The following KCNQ1 variants were observed in gnomAD, a reference collection of about 807,000 sequenced individuals.
KCNQ1 encodes potassium voltage-gated channel subfamily Q member 1, also known as potassium voltage-gated channel subfamily KQT member 1.
KCNQ1 carries 49 observed loss-of-function variants against 72.4 expected under a neutral mutation model. The observed-to-expected ratio is 0.68, with a 90% CI of 0.54 to 0.86. The LOEUF (loss-of-function observed/expected upper bound fraction) is 0.86. Ranked by LOEUF, KCNQ1 falls within the 40% of genes least tolerant of loss-of-function variation. KCNQ1 has a pLI of 0.00. For synonymous variants in KCNQ1, 450 were observed against 412.6 expected (o/e 1.09, Z -1.10); for missense variants, 790 against 945.1 (o/e 0.84, Z 2.15).
rs978639203 is a variant in KCNQ1 at position 2,642,459 on chromosome 11, C to T, written c.1394-19502C>T. ...GATTTTTAAATCCTGTAACTGTAAT[C>T]AATTTATTGATCAGACTGAAGAGTT... On this transcript the variant is annotated intron_variant, in intron 10 of 15. Coordinates refer to ENST00000155840, the MANE Select transcript of KCNQ1 (RefSeq NM_000218.3). The surrounding 1 kb of genome is among the most constrained non-coding windows in gnomAD (Gnocchi z 4.3). 1 of 397,906 alleles carries T rather than the reference C, an allele frequency of 2.5e-6. No individual in the cohort carries two copies. The highest frequency in any genetic ancestry group is 2.1e-5 in the African/African-American group (1 of 48,682). 24.6% of individuals were successfully genotyped at this position (397,906 alleles called of 1,614,324 possible).
intron 6 of KCNQ1, among the ~76,000 whole-genome samples, chr11:2,574,756 G>T (rs1848395004): frequency 1.3e-5 from 2 of 152,232 alleles, no homozygotes; most frequent in African/African-American, 4.8e-5. Flanking sequence ...TTTTCTGGAA[G>T]CTTCCAAAGT....
chr11:2,749,184 C>T (rs553956075), intron 11 of KCNQ1, among the ~76,000 whole-genome samples: 193 of 152,322 alleles, frequency 1.3e-3, no homozygotes, highest in African/African-American at 4.4e-3. Flanking sequence ...GGGGCTGTTC[C>T]GCCAGCACCC....
Position 2,698,629 on chromosome 11 carries a change from A to T in KCNQ1, c.1514+36548A>T. On this transcript the variant is annotated intron_variant, in intron 11 of 15. Transcript: ENST00000155840. This position sits in a 1 kb window ranked among gnomAD's most constrained non-coding sequence, Gnocchi z 5.1. ...AATTCCTGACTCCCATACCCCACTG[A>T]GACCTCTAACCCCAATCCCAATCTC... 1 of 398,450 alleles carries T rather than the reference A, an allele frequency of 2.5e-6. No homozygotes were observed. The highest frequency in any genetic ancestry group is 4.4e-6 in the Non-Finnish European group (1 of 226,024). The allele number at this position is 398,450 out of a possible 1,614,324, so 24.7% of individuals were successfully genotyped here.
At chr11:2,775,149 C>T (rs1846668764) in intron 12 of KCNQ1, among the ~76,000 whole-genome samples, 1 of 152,240 alleles carries the variant, frequency 6.6e-6, no homozygotes. Context: ...CCTAGGCCAT[C>T]AAACCCCTGC....
intron 11 of KCNQ1, chr11:2,665,324 T>A: frequency 2.5e-6 from 1 of 398,022 alleles, no homozygotes. Context: ...AGGTGGGAAG[T>A]AGAGACTGTA....
At chr11:2,775,740 C>T (rs992009812) in intron 12 of KCNQ1, among the ~76,000 whole-genome samples, 2 of 152,186 alleles carry the variant, frequency 1.3e-5, no homozygotes, top group South Asian at 2.1e-4. Flanking sequence ...CCAGAGAGGC[C>T]GAGCTGATGG....
intron 11 of KCNQ1, among the ~76,000 whole-genome samples, chr11:2,753,827 C>T (rs548536339): frequency 3.3e-5 from 5 of 152,260 alleles, no homozygotes; most frequent in East Asian, 1.9e-4. Context: ...TCCCAGCTTC[C>T]CTCTATCTGA....
intron 10 of KCNQ1, among the ~76,000 whole-genome samples, chr11:2,596,083 A>T (rs1361150038): frequency 6.6e-6 from 1 of 152,218 alleles, no homozygotes; most frequent in Non-Finnish European, 1.5e-5. Flanking sequence ...GATGTGGCTG[A>T]AATATCATTA....
rs1848244075 is a variant in KCNQ1 at position 2,566,146 on chromosome 11, T to C, written c.478-4482T>C. Among the ~76,000 whole-genome samples, 1 of 152,100 alleles carries C rather than the reference T, an allele frequency of 6.6e-6. No homozygotes were observed. Among genetic ancestry groups the C allele is most frequent in the Non-Finnish European group, 1.5e-5 (1 of 68,000 alleles). ...GCTCTGGAGTCTCTCTTGGTTACCC[T>C]CTCTCTCCCAGGGCCACTTTTGCAG... On this transcript the variant is annotated intron_variant, in intron 2 of 15. Coordinates refer to ENST00000155840, the MANE Select transcript of KCNQ1 (RefSeq NM_000218.3). This position sits in a 1 kb window ranked among gnomAD's most constrained non-coding sequence, Gnocchi z 6.7.
In KCNQ1 at chr11:2,698,622, C is replaced by A. The variant is rs570703231; in HGVS notation, c.1514+36541C>A. The A allele has an allele frequency of 3.5e-5, 14 of 398,568 alleles. No individual in the cohort carries two copies. The South Asian group carries it at 1.3e-3, about 36-fold the overall frequency. 24.7% of individuals were successfully genotyped at this position (398,568 alleles called of 1,614,324 possible). ...CGACTTCAATTCCTGACTCCCATAC[C>A]CCACTGAGACCTCTAACCCCAATCC... On this transcript the variant is annotated intron_variant, in intron 11 of 15. Coordinates refer to ENST00000155840, the MANE Select transcript of KCNQ1 (RefSeq NM_000218.3). The surrounding 1 kb of genome is among the most constrained non-coding windows in gnomAD (Gnocchi z 5.1).
At position 2,617,600 on chromosome 11, in the gene KCNQ1, G is replaced by A. The variant is rs1849088271; in HGVS notation, c.1393+28746G>A. On this transcript the variant is annotated intron_variant, in intron 10 of 15. Transcript: ENST00000155840. This position sits in a 1 kb window ranked among gnomAD's most constrained non-coding sequence, Gnocchi z 4.6. ...ACCTAGAAGAGGGATTAGTGGGTCAGATGATAGTATATTTTCAATTTCTTT... is the reference window on the plus strand; with the variant it reads ...ACCTAGAAGAGGGATTAGTGGGTCAAATGATAGTATATTTTCAATTTCTTT... 1 of 398,408 alleles carries A rather than the reference G, an allele frequency of 2.5e-6. No homozygotes were observed. Among genetic ancestry groups the A allele is most frequent in the Non-Finnish European group, 4.4e-6 (1 of 225,948 alleles). The allele number at this position is 398,408 out of a possible 1,614,324, so 24.7% of individuals were successfully genotyped here. A position where few individuals can be genotyped will look rare whatever the true frequency, so the allele number is the denominator to read the frequency against.
chr11:2,517,069 C>T (rs112615227), intron 1 of KCNQ1, among the ~76,000 whole-genome samples: 172 of 152,320 alleles, frequency 1.1e-3, no homozygotes, highest in African/African-American at 4.0e-3. Flanking sequence ...AGGGCCCAGG[C>T]TCCACGCTCC....
At position 2,472,036 on chromosome 11, in the gene KCNQ1, G is replaced by A. The variant is rs189658884; in HGVS notation, c.386+26552G>A. On this transcript the variant is annotated intron_variant, in intron 1 of 15. Coordinates refer to ENST00000155840, the MANE Select transcript of KCNQ1 (RefSeq NM_000218.3). ...TATAGGTGTATGTATGGTTGTGTGT[G>A]TATAGGTATGTATGTGTGCACATGT... 2.0e-3 allele frequency among the ~76,000 whole-genome samples: 308 copies of A among 151,178 alleles called. 1 individual carries two copies. The highest frequency in any genetic ancestry group is 0.011 in the Middle Eastern group (3 of 284).
At position 2,482,415 on chromosome 11, in the gene KCNQ1, G is replaced by T. The variant is rs1564793735; in HGVS notation, c.386+36931G>T. On this transcript the variant is annotated intron_variant, in intron 1 of 15. Coordinates refer to ENST00000155840, the MANE Select transcript of KCNQ1 (RefSeq NM_000218.3). This position sits in a 1 kb window ranked among gnomAD's most constrained non-coding sequence, Gnocchi z 5.7. ...TAATCAACTCTCTATTGACGGCTGGGTTATTTCCTAATTGACTGCTGTAAA... is the reference window on the plus strand; with the variant it reads ...TAATCAACTCTCTATTGACGGCTGGTTTATTTCCTAATTGACTGCTGTAAA... 6.6e-6 allele frequency among the ~76,000 whole-genome samples: 1 copy of T among 152,118 alleles called. No individual in the cohort carries two copies. Among genetic ancestry groups the T allele is most frequent in the Non-Finnish European group, 1.5e-5 (1 of 68,032 alleles).
chr11:2,708,734 C>T (rs1194091969), intron 11 of KCNQ1, among the ~76,000 whole-genome samples: 1 of 152,154 alleles, frequency 6.6e-6, no homozygotes, highest in East Asian at 1.9e-4. Context: ...GGTCCATTTC[C>T]ATCTCCCTGT....
intron 2 of KCNQ1, among the ~76,000 whole-genome samples, chr11:2,568,591 C>G (rs983084234): frequency 1.3e-5 from 2 of 152,232 alleles, no homozygotes; most frequent in African/African-American, 4.8e-5. Context: ...AGACAGAGCT[C>G]CTGCTACCAG....
chr11:2,753,619 A>G (rs190817642), intron 11 of KCNQ1, among the ~76,000 whole-genome samples: 74 of 152,340 alleles, frequency 4.9e-4, no homozygotes, highest in African/African-American at 1.8e-3. Context: ...ATTCAGAGTC[A>G]TGCAACTTCA....
At chr11:2,582,416 C>A (rs1011410437) in intron 6 of KCNQ1, among the ~76,000 whole-genome samples, 10 of 152,222 alleles carry the variant, frequency 6.6e-5, no homozygotes, top group African/African-American at 2.4e-4. Context: ...GGCCTTCCTG[C>A]CATCAGCACT....
chr11:2,618,131 T>C lies in KCNQ1; in HGVS notation c.1393+29277T>C, dbSNP rs183229937. 7 of 398,524 alleles carry C rather than the reference T, an allele frequency of 1.8e-5. No homozygotes were observed. The Admixed American group carries it at 2.6e-4, about 15-fold the overall frequency. The allele number at this position is 398,524 out of a possible 1,614,324, so 24.7% of individuals were successfully genotyped here. Reference sequence around the variant, plus strand: ...GCCATGTCGAGCTTTTCCCCTATGTTTTCTTCTGGTTGTGGGTTTTGGTCT... The same window carrying C: ...GCCATGTCGAGCTTTTCCCCTATGTCTTCTTCTGGTTGTGGGTTTTGGTCT... On this transcript the variant is annotated intron_variant, in intron 10 of 15. Coordinates refer to ENST00000155840, the MANE Select transcript of KCNQ1 (RefSeq NM_000218.3).
Sources: allele counts gnomAD v4.1 joint callset (sites outside exome capture counted in the v4.1 genomes callset), GRCh38; gene constraint gnomAD v4.1.1; non-coding constraint Gnocchi (gnomAD v3.1); transcripts MANE v1.5; gene names NCBI Gene and HGNC (gene_info 2026-07-23, HGNC 2026-07-21).